Variants in KCNT2 observed in about 807,000 individuals in gnomAD.
KCNT2 encodes the protein potassium channel subfamily T member 2.
KCNT2 carries 67 observed loss-of-function variants against 153.8 expected under a neutral mutation model. The observed-to-expected ratio is 0.44, with a 90% CI of 0.36 to 0.53. The LOEUF (loss-of-function observed/expected upper bound fraction) is 0.53, where lower values mean the gene tolerates loss of function less well. Among genes scored for constraint, KCNT2 ranks in the 20% least tolerant of loss-of-function variants. KCNT2 has a pLI of 0.00. For synonymous variants in KCNT2, 500 were observed against 458.8 expected (o/e 1.09, Z -1.15); for missense variants, 975 against 1,354.8 (o/e 0.72, Z 4.40).
chr1:196,499,597 T>G (rs753158092), intron 1 of KCNT2, among the ~76,000 whole-genome samples: 10 of 152,212 alleles, frequency 6.6e-5, no homozygotes, highest in Admixed American at 1.3e-4. Context: ...CTTTTCTTCC[T>G]TATGTTATAA....
At chr1:196,241,715 T>C (rs1378117604) in intron 26 of KCNT2, among the ~76,000 whole-genome samples, 1 of 152,062 alleles carries the variant, frequency 6.6e-6, no homozygotes, top group African/African-American at 2.4e-5. Flanking sequence ...CAGAACAAGC[T>C]ACATTTTAAC....
intron 21 of KCNT2, among the ~76,000 whole-genome samples, chr1:196,306,513 A>AGG (rs1661650905): frequency 6.6e-6 from 1 of 152,066 alleles, no homozygotes; most frequent in Non-Finnish European, 1.5e-5. Context: ...CCTCAGGTCC[A>AGG]ACTCTGGAAG....
intron 4 of KCNT2, among the ~76,000 whole-genome samples, chr1:196,481,405 C>A (rs1370187642): frequency 6.6e-6 from 1 of 152,120 alleles, no homozygotes; most frequent in Non-Finnish European, 1.5e-5. Context: ...CTGGACTTTA[C>A]CACTACTCAA....
intron 8 of KCNT2, among the ~76,000 whole-genome samples, chr1:196,450,996 T>C (rs1054997137): frequency 2.0e-5 from 3 of 151,786 alleles, no homozygotes; most frequent in Non-Finnish European, 4.4e-5. Flanking sequence ...AAGGAGCCCA[T>C]CTGCCTCCAT....
chr1:196,608,164 C>A, intron 1 of KCNT2, 51 bp downstream of exon 1: 1 of 1,535,654 alleles, frequency 6.5e-7, no homozygotes, highest in East Asian at 2.2e-5. Context: ...CTCCCATTTC[C>A]GTCTCTTTTT....
chr1:196,479,108 A>C, intron 5 of KCNT2, 71 bp downstream of exon 5: 2 of 1,015,980 alleles, frequency 2.0e-6, no homozygotes, highest in East Asian at 2.6e-5. Flanking sequence ...GCGAACTATA[A>C]ATAGAGGAAT....
intron 19 of KCNT2, among the ~76,000 whole-genome samples, chr1:196,321,100 T>C (rs1303911775): frequency 6.6e-6 from 1 of 151,858 alleles, no homozygotes; most frequent in South Asian, 2.1e-4. Flanking sequence ...CAACAAATAT[T>C]ATAACCAAAT....
intron 1 of KCNT2, among the ~76,000 whole-genome samples, chr1:196,539,527 G>GGAGA (rs1656052819): frequency 1.3e-5 from 2 of 152,088 alleles, no homozygotes; most frequent in South Asian, 4.1e-4. Flanking sequence ...TTCCAAGTTA[G>GGAGA]GAGAGCATCA....
At chr1:196,431,672 C>T (rs1231942645) in intron 8 of KCNT2, among the ~76,000 whole-genome samples, 1 of 152,088 alleles carries the variant, frequency 6.6e-6, no homozygotes, top group African/African-American at 2.4e-5. Context: ...CAGAAGAAAT[C>T]TCTAAGCAAA....
Position 196,226,604 on chromosome 1 carries a change from A to C in KCNT2, c.*1620T>G, listed in dbSNP as rs1462363949. 6.6e-6 allele frequency: 1 copy of C among 152,034 alleles called. No homozygotes were observed. Among genetic ancestry groups the C allele is most frequent in the Non-Finnish European group, 1.5e-5 (1 of 67,860 alleles). The allele number at this position is 152,034 out of a possible 1,614,324, so 9.4% of individuals were successfully genotyped here. A position where few individuals can be genotyped will look rare whatever the true frequency, so the allele number is the denominator to read the frequency against. ...GAATAATGTAAAATACCAAAAAGAA[A>C]AAAAGACATTTCATAGCCTCCAAGC... On this transcript the variant is annotated 3_prime_UTR_variant, in exon 28 of 28. Transcript: ENST00000294725.
At chr1:196,345,018 T>C (rs1162969655) in intron 14 of KCNT2, among the ~76,000 whole-genome samples, 1 of 152,184 alleles carries the variant, frequency 6.6e-6, no homozygotes, top group East Asian at 1.9e-4. Context: ...TTACATCTAA[T>C]GCTGATGTGT....
intron 11 of KCNT2, 116 bp from the exon 12 acceptor site, chr1:196,423,229 T>G: frequency 1.8e-6 from 1 of 545,560 alleles, no homozygotes. Flanking sequence ...GTAGACCATG[T>G]ATATCCTTAA....
intron 1 of KCNT2, among the ~76,000 whole-genome samples, chr1:196,497,680 G>C (rs896775383): frequency 2.6e-5 from 4 of 151,692 alleles, no homozygotes; most frequent in African/African-American, 9.7e-5. Flanking sequence ...GTAATGGATG[G>C]GTATTGATTG....
At chr1:196,412,160 C>T (rs565265261) in intron 12 of KCNT2, among the ~76,000 whole-genome samples, 1 of 151,816 alleles carries the variant, frequency 6.6e-6, no homozygotes, top group Non-Finnish European at 1.5e-5. Flanking sequence ...CAATGCCTGC[C>T]TTTCCTAACA....
At chr1:196,409,806 G>A (rs1265992437) in intron 12 of KCNT2, among the ~76,000 whole-genome samples, 1 of 151,610 alleles carries the variant, frequency 6.6e-6, no homozygotes, top group Non-Finnish European at 1.5e-5. Context: ...GCCTTTGGAT[G>A]TATAACAGGA....
chr1:196,318,776 C>A (rs1662991327), intron 20 of KCNT2, among the ~76,000 whole-genome samples: 1 of 151,690 alleles, frequency 6.6e-6, no homozygotes, highest in African/African-American at 2.4e-5. Flanking sequence ...ACTGTGTTTT[C>A]TTCAACATCT....
rs191827589 is a variant in KCNT2, at chr1:196,241,088, G to A, written c.3212-5018C>T. Among the ~76,000 whole-genome samples, 48 of 152,090 alleles carry A rather than the reference G, an allele frequency of 3.2e-4. 1 individual carries two copies. In the East Asian group the frequency reaches 7.7e-3, roughly 24 times the overall value. On this transcript the variant is annotated intron_variant, in intron 26 of 27. Transcript: ENST00000294725. The stretch of plus-strand genomic sequence containing the variant: ...AGACAGAGAAAGAGACTTAGAGAAG[G>A]AGACAGAGAATTTTAAGCTGGGAGA...
chr1:196,406,518 G>A (rs1416963), intron 12 of KCNT2, among the ~76,000 whole-genome samples: 148,376 of 150,984 alleles, frequency 0.98, 72,951 homozygotes, highest in East Asian at 1. Context: ...TTGTAGTCTA[G>A]TTAAACTATA....
intron 14 of KCNT2, among the ~76,000 whole-genome samples, chr1:196,371,723 TA>T (rs2148327101): frequency 6.6e-6 from 1 of 152,228 alleles, no homozygotes; most frequent in African/African-American, 2.4e-5. Flanking sequence ...AATCTTTTTT[TA>T]ACTTATGTGA....
Sources: allele counts gnomAD v4.1 joint callset (sites outside exome capture counted in the v4.1 genomes callset), GRCh38; gene constraint gnomAD v4.1.1; transcripts MANE v1.5; gene names NCBI Gene and HGNC (gene_info 2026-07-23, HGNC 2026-07-21).